Variants in HFM1 observed in about 807,000 individuals in gnomAD.
HFM1 encodes the protein helicase for meiosis 1, also known as probable ATP-dependent DNA helicase HFM1.
A neutral mutation model predicts 192.1 loss-of-function variants in HFM1; 169 were observed. That is an observed-to-expected ratio of 0.88 (90% CI 0.78 to 1.00). The LOEUF (loss-of-function observed/expected upper bound fraction) is 1.00. Among genes scored for constraint, HFM1 ranks in the 50% least tolerant of loss-of-function variants. The pLI is 0.00. For missense variants in HFM1, 1,661 were observed against 1,668.0 expected (o/e 1.00, Z 0.07); for synonymous variants, 525 against 537.8 (o/e 0.98, Z 0.33).
At chr1:91,366,131 G>T (rs776924370) in intron 13 of HFM1, among the ~76,000 whole-genome samples, 2 of 152,088 alleles carry the variant, frequency 1.3e-5, no homozygotes, top group Non-Finnish European at 2.9e-5. Flanking sequence ...GCAAAAAAAT[G>T]ATTATCTGAA....
intron 19 of HFM1, among the ~76,000 whole-genome samples, chr1:91,343,767 G>C (rs1363486684): frequency 6.6e-6 from 1 of 152,036 alleles, no homozygotes; most frequent in Non-Finnish European, 1.5e-5. Context: ...TTAAAACTTG[G>C]AGTATTTAAA....
chr1:91,347,259 G>C (rs751870991), intron 19 of HFM1, among the ~76,000 whole-genome samples, 170 bp downstream of exon 19: 2 of 152,134 alleles, frequency 1.3e-5, no homozygotes, highest in Admixed American at 1.3e-4. Flanking sequence ...CAGCAAAAAA[G>C]TATATATGCC....
intron 11 of HFM1, among the ~76,000 whole-genome samples, chr1:91,376,181 A>C (rs947222999): frequency 6.6e-6 from 1 of 152,018 alleles, no homozygotes; most frequent in Non-Finnish European, 1.5e-5. Context: ...ACAAGTTTTT[A>C]AGCAAACAAC....
rs1360187120 is a variant in HFM1 at position 91,352,653 on chromosome 1, T to A, written c.1832-2A>T. 9 of 1,598,564 alleles carry A rather than the reference T, an allele frequency of 5.6e-6. No homozygotes were observed. The Admixed American group carries it at 1.0e-4, about 19-fold the overall frequency. On this transcript the variant is annotated splice_acceptor_variant, in intron 15 of 38. Coordinates refer to ENST00000370425, the MANE Select transcript of HFM1 (RefSeq NM_001017975.6). LOFTEE classifies it high-confidence loss of function. ...CCATAGCTAAAGTACTGGTAGTAACTGCATCAGATTAAGACATAGTAATTT... is the reference window on the plus strand; with the variant it reads ...CCATAGCTAAAGTACTGGTAGTAACAGCATCAGATTAAGACATAGTAATTT...
intron 30 of HFM1, among the ~76,000 whole-genome samples, chr1:91,290,950 T>G (rs1668670707): frequency 6.6e-6 from 1 of 152,184 alleles, no homozygotes. Flanking sequence ...CCTAAATGAC[T>G]ACTGGGTACA....
chr1:91,396,225 G>C, intron 3 of HFM1, 68 bp downstream of exon 3: 1 of 683,626 alleles, frequency 1.5e-6, no homozygotes, highest in Non-Finnish European at 2.5e-6. Flanking sequence ...ATCAAATCAG[G>C]GTTTTTTAAA....
At chr1:91,273,670 T>C (rs751005672) in intron 34 of HFM1, 42 bp downstream of exon 34, 5 of 979,790 alleles carry the variant, frequency 5.1e-6, no homozygotes, top group East Asian at 2.4e-5. Flanking sequence ...AAAGTAATAA[T>C]AAGCCATTTA....
chr1:91,281,326 A>T (rs1667444998), intron 30 of HFM1, among the ~76,000 whole-genome samples: 1 of 152,164 alleles, frequency 6.6e-6, no homozygotes, highest in Non-Finnish European at 1.5e-5. Context: ...CTTTTTGTCT[A>T]GCAATATCCA....
At chr1:91,329,261 G>T in intron 20 of HFM1, 1 of 1,609,664 alleles carries the variant, frequency 6.2e-7, no homozygotes, top group South Asian at 1.1e-5. Flanking sequence ...AGTCTGTGGA[G>T]CTGAAGTGGA....
chr1:91,349,494 CTCTT>C (rs1342568814), intron 18 of HFM1, among the ~76,000 whole-genome samples: 6 of 152,176 alleles, frequency 3.9e-5, no homozygotes, highest in Non-Finnish European at 8.8e-5. Context: ...GTCTCTCTCT[CTCTT>C]TCTCTCTCAG....
At chr1:91,323,334 C>A (rs1430763381) in intron 21 of HFM1, 135 bp from the exon 22 acceptor site, 1 of 591,456 alleles carries the variant, frequency 1.7e-6, no homozygotes, top group Non-Finnish European at 2.9e-6. Flanking sequence ...GAGTTAAAAA[C>A]CTGCTTTATA....
intron 23 of HFM1, 74 bp from the exon 24 acceptor site, chr1:91,319,464 A>G (rs916262910): frequency 2.2e-6 from 2 of 913,582 alleles, no homozygotes; most frequent in African/African-American, 3.3e-5. Flanking sequence ...TCACTCACTG[A>G]AGTATTCCTT....
intron 25 of HFM1, among the ~76,000 whole-genome samples, chr1:91,317,217 C>T (rs924769741): frequency 3.3e-5 from 5 of 152,088 alleles, no homozygotes; most frequent in Non-Finnish European, 5.9e-5. Flanking sequence ...GAGTTCGAGA[C>T]CAACCTGACC....
At chr1:91,366,967 G>A (rs954831419) in intron 13 of HFM1, among the ~76,000 whole-genome samples, 5 of 152,180 alleles carry the variant, frequency 3.3e-5, no homozygotes, top group South Asian at 2.1e-4. Context: ...TATATCCTGC[G>A]CCTGGCTTGG....
At chr1:91,388,245 T>G (rs189567048) in intron 4 of HFM1, among the ~76,000 whole-genome samples, 2 of 152,164 alleles carry the variant, frequency 1.3e-5, no homozygotes, top group Non-Finnish European at 2.9e-5. Context: ...AAGCCTCAAA[T>G]TTGTAGTTGG....
intron 30 of HFM1, among the ~76,000 whole-genome samples, chr1:91,304,644 T>A (rs1649345389): frequency 6.6e-6 from 1 of 151,330 alleles, no homozygotes; most frequent in Non-Finnish European, 1.5e-5. Context: ...TTTTTTTTTT[T>A]TTTTTTGTAT....
intron 30 of HFM1, among the ~76,000 whole-genome samples, chr1:91,304,379 T>G (rs1331048013): frequency 6.6e-6 from 1 of 152,196 alleles, no homozygotes; most frequent in Non-Finnish European, 1.5e-5. Context: ...GAGCTTTATA[T>G]GTCATACCTA....
At chr1:91,328,869 G>A in intron 20 of HFM1, 3 of 1,610,862 alleles carry the variant, frequency 1.9e-6, no homozygotes, top group South Asian at 1.1e-5. Context: ...GAGGCCAGCT[G>A]TGCTGCCCTG....
At chr1:91,295,837 TA>T (rs1242459514) in intron 30 of HFM1, among the ~76,000 whole-genome samples, 1 of 152,210 alleles carries the variant, frequency 6.6e-6, no homozygotes, top group African/African-American at 2.4e-5. Context: ...TTTTCTCCTC[TA>T]AAAGTTTTAT....
Sources: allele counts gnomAD v4.1 joint callset (sites outside exome capture counted in the v4.1 genomes callset), GRCh38; gene constraint gnomAD v4.1.1; transcripts MANE v1.5; gene names NCBI Gene and HGNC (gene_info 2026-07-23, HGNC 2026-07-21).